Variants in AP3B1 observed in about 807,000 individuals in gnomAD.
AP3B1 encodes the protein adaptor related protein complex 3 subunit beta 1.
A neutral mutation model predicts 132.5 loss-of-function variants in AP3B1; 61 were observed. The observed-to-expected ratio is 0.46, with a 90% CI of 0.37 to 0.57. The LOEUF (loss-of-function observed/expected upper bound fraction) is 0.57. Among genes scored for constraint, AP3B1 ranks in the 20% least tolerant of loss-of-function variants. The probability of loss-of-function intolerance (pLI) is 0.00; values close to 1 mark genes in which losing one functional copy is unlikely to be tolerated. For missense variants in AP3B1, 1,120 were observed against 1,289.4 expected (o/e 0.87, Z 2.01); for synonymous variants, 388 against 438.3 (o/e 0.89, Z 1.43).
chr5:78,060,449 T>G (rs1748997358), intron 22 of AP3B1, among the ~76,000 whole-genome samples: 1 of 152,220 alleles, frequency 6.6e-6, no homozygotes, highest in African/African-American at 2.4e-5. Context: ...ATATTCCATA[T>G]GGGTAAATCA....
intron 5 of AP3B1, 102 bp from the exon 6 acceptor site, chr5:78,225,710 G>A: frequency 2.8e-6 from 2 of 709,950 alleles, no homozygotes; most frequent in East Asian, 2.7e-5. Flanking sequence ...AGAGGGAAAG[G>A]AGAGCAAGAA....
At chr5:78,120,120 C>G (rs940058080) in intron 17 of AP3B1, among the ~76,000 whole-genome samples, 49 of 152,230 alleles carry the variant, frequency 3.2e-4, no homozygotes, top group Admixed American at 7.8e-4. Flanking sequence ...AAATAAAATA[C>G]TTTACAGACA....
At chr5:78,097,067 G>T (rs1314443356) in intron 21 of AP3B1, among the ~76,000 whole-genome samples, 3 of 119,256 alleles carry the variant, frequency 2.5e-5, no homozygotes, top group South Asian at 2.5e-4. Context: ...AGGTTGGGGG[G>T]TCAGCCCCCC....
chr5:78,129,370 T>G lies in AP3B1; in HGVS notation c.1651-63A>C. ...ATTTATGATTATCGATAACTCTGGA[T>G]AAACATATTTAAAGAGGTAATAAAA... On this transcript the variant is annotated intron_variant, in intron 15 of 26. Coordinates refer to ENST00000255194, the MANE Select transcript of AP3B1 (RefSeq NM_003664.5). 10 of 1,304,338 alleles carry G rather than the reference T, an allele frequency of 7.7e-6. No homozygotes were observed. In the Middle Eastern group the frequency reaches 1.9e-3, roughly 246 times the overall value. The allele number at this position is 1,304,338 out of a possible 1,614,324, so 80.8% of individuals were successfully genotyped here. A position where few individuals can be genotyped will look rare whatever the true frequency, so the allele number is the denominator to read the frequency against.
At chr5:78,087,627 G>A (rs779024239) in intron 22 of AP3B1, 8 of 985,056 alleles carry the variant, frequency 8.1e-6, no homozygotes, top group Admixed American at 6.2e-5. Flanking sequence ...GTCAACTGGC[G>A]GTCATTTTTT....
intron 7 of AP3B1, among the ~76,000 whole-genome samples, chr5:78,195,865 C>T (rs1056021016): frequency 1.3e-5 from 2 of 152,020 alleles, no homozygotes; most frequent in African/African-American, 4.8e-5. Flanking sequence ...ACAGACCTTA[C>T]AATCTTCACA....
At chr5:78,005,082 G>A (rs894407809) in intron 26 of AP3B1, among the ~76,000 whole-genome samples, 4 of 152,104 alleles carry the variant, frequency 2.6e-5, no homozygotes, top group South Asian at 2.1e-4. Context: ...GTAAAACCAC[G>A]TCACCAAAGG....
intron 6 of AP3B1, among the ~76,000 whole-genome samples, chr5:78,220,194 A>G (rs1475559570): frequency 6.6e-6 from 1 of 151,984 alleles, no homozygotes; most frequent in Non-Finnish European, 1.5e-5. Context: ...CCTTTCTACA[A>G]TGGATTATAA....
In AP3B1 at chr5:78,015,426, G is replaced by T. The variant is rs914405574; in HGVS notation, c.3115C>A (p.Gln1039Lys). 9 of 1,613,666 alleles carry T rather than the reference G, an allele frequency of 5.6e-6. No individual in the cohort carries two copies. Among genetic ancestry groups the T allele is most frequent in the African/African-American group, 1.3e-5 (1 of 74,972 alleles). Residue 1039 changes from glutamine to lysine, a missense_variant, in exon 26 of 27, where the codon CAG becomes AAG. Physicochemically the swap from Gln to Lys is moderately conservative, Grantham distance 53 (BLOSUM62 1). This residue lies in a region of AP3B1 where 906 missense variants were observed against 997.1 expected (regional missense o/e 0.91). Transcript: ENST00000255194. The stretch of plus-strand genomic sequence containing the variant: ...TGAACCTACCTGTGTATATTATCCT[G>T]GCCAGAAGGGACTGCACCTACATTG... ...VANVGAVPSGQDNIHRFAAKT... is the reference protein window; with the variant it reads ...VANVGAVPSGKDNIHRFAAKT...
At chr5:78,210,778 C>T (rs1745700573) in intron 7 of AP3B1, among the ~76,000 whole-genome samples, 1 of 152,130 alleles carries the variant, frequency 6.6e-6, no homozygotes, top group African/African-American at 2.4e-5. Flanking sequence ...ATGCCACTAA[C>T]AGATGTTGGT....
chr5:78,165,167 T>C (rs745484713), intron 12 of AP3B1, among the ~76,000 whole-genome samples: 3 of 152,038 alleles, frequency 2.0e-5, no homozygotes, highest in Admixed American at 6.6e-5. Flanking sequence ...TAAAAAATCG[T>C]AGTGGGGCAA....
At position 78,294,542 on chromosome 5, in the gene AP3B1, C is replaced by G. The variant is rs139760966; in HGVS notation, c.38G>C (p.Gly13Ala). 101 of 1,614,246 alleles carry G rather than the reference C, an allele frequency of 6.3e-5. No individual in the cohort carries two copies. The African/African-American group carries it at 1.2e-3, about 19-fold the overall frequency. The change falls in exon 1 of 27, where the codon GGA becomes GCA. Residue 13 changes from glycine (G) to alanine (A), a missense_variant. Gly to Ala is a moderately conservative substitution (Grantham distance 60). Coordinates refer to ENST00000255194, the MANE Select transcript of AP3B1 (RefSeq NM_003664.5). ...SNSFPYNEQS[G>A]GGEATELGQE... ...ACCCAGCTCCGTCGCCTCCCCTCCT[C>G]CGGACTGCTCATTGTAAGGAAAACT...
At chr5:78,126,504 C>CAAAAAAAAAAAAAAAAAAAAAAAAAAA (rs70997969) in intron 17 of AP3B1, among the ~76,000 whole-genome samples, 1 of 62,386 alleles carries the variant, frequency 1.6e-5, no homozygotes, top group African/African-American at 7.8e-5. Flanking sequence ...GACTCTGTCT[C>CAAAAAAAAAAAAAAAAAAAAAAAAAAA]AAAAAAAAAA....
Position 78,229,192 on chromosome 5 carries a change from T to C in AP3B1, c.280-953A>G, listed in dbSNP as rs557430831. On this transcript the variant is annotated intron_variant, in intron 3 of 26. Coordinates refer to ENST00000255194, the MANE Select transcript of AP3B1 (RefSeq NM_003664.5). ...CTTAACTGGTCCTCCCACCTCAGCC[T>C]CCCAAAGCACAGGGGTTACAGGCAT... is the stretch of plus-strand genomic sequence containing the variant. 7.2e-5 allele frequency among the ~76,000 whole-genome samples: 11 copies of C among 152,142 alleles called. No individual in the cohort carries two copies. The South Asian group carries it at 2.3e-3, about 32-fold the overall frequency.
At chr5:78,077,022 T>A (rs1011945410) in intron 22 of AP3B1, among the ~76,000 whole-genome samples, 1 of 152,198 alleles carries the variant, frequency 6.6e-6, no homozygotes, top group Non-Finnish European at 1.5e-5. Flanking sequence ...ATCCGTAAAG[T>A]TACAGCTGGT....
At chr5:78,072,712 CTTTTTTT>C (rs34203981) in intron 22 of AP3B1, among the ~76,000 whole-genome samples, 1 of 68,286 alleles carries the variant, frequency 1.5e-5, no homozygotes, top group East Asian at 5.8e-4. Context: ...CTGATATATT[CTTTTTTT>C]TTTTTTTTTT....
At chr5:78,206,100 AT>A (rs1745495448) in intron 7 of AP3B1, among the ~76,000 whole-genome samples, 1 of 152,184 alleles carries the variant, frequency 6.6e-6, no homozygotes. Flanking sequence ...AAAAATTGGA[AT>A]GAATCAGCAA....
intron 1 of AP3B1, among the ~76,000 whole-genome samples, chr5:78,280,781 A>G (rs1749015720): frequency 6.6e-6 from 1 of 152,188 alleles, no homozygotes; most frequent in Non-Finnish European, 1.5e-5. Flanking sequence ...GGAAACCAAT[A>G]TGCAATGTCT....
intron 22 of AP3B1, among the ~76,000 whole-genome samples, chr5:78,082,165 G>T (rs767367): frequency 6.6e-6 from 1 of 152,168 alleles, no homozygotes; most frequent in Non-Finnish European, 1.5e-5. Context: ...GGAAGGGAAA[G>T]AAATGGAATA....
Sources: allele counts gnomAD v4.1 joint callset (sites outside exome capture counted in the v4.1 genomes callset), GRCh38; gene constraint gnomAD v4.1.1; regional missense constraint gnomAD v4.1.1; transcripts MANE v1.5; gene names NCBI Gene and HGNC (gene_info 2026-07-23, HGNC 2026-07-21).